The following PADI2 variants were observed in gnomAD, a reference collection of about 807,000 sequenced individuals.
The protein encoded by PADI2 is protein-arginine deiminase type-2.
In PADI2, 70 loss-of-function variants were observed where a neutral mutation model predicts 81.1. That is an observed-to-expected ratio of 0.86 (90% CI 0.71 to 1.05). PADI2 has a LOEUF of 1.05. Among genes scored for constraint, PADI2 ranks in the 50% least tolerant of loss-of-function variants. PADI2 has a pLI of 0.00. For synonymous variants in PADI2, 338 were observed against 358.0 expected, an observed-to-expected ratio of 0.94 and a Z score of 0.63; for missense variants, 853 against 889.9, an observed-to-expected ratio of 0.96 and a Z score of 0.53.
intron 10 of PADI2, among the ~76,000 whole-genome samples, chr1:17,081,152 G>T (rs3853182): frequency 0.078 from 11,941 of 152,312 alleles, 569 homozygotes; most frequent in Middle Eastern, 0.14. Flanking sequence ...GGCAACTGGT[G>T]CTGGTGGTTG....
intron 8 of PADI2, among the ~76,000 whole-genome samples, chr1:17,084,061 G>C (rs2078367504): frequency 6.6e-6 from 1 of 152,140 alleles, no homozygotes; most frequent in Non-Finnish European, 1.5e-5. Context: ...TAAAATGAGG[G>C]GGGGAACTCT....
chr1:17,111,197 C>T (rs1376875180), intron 1 of PADI2, among the ~76,000 whole-genome samples: 1 of 148,560 alleles, frequency 6.7e-6, no homozygotes, highest in Non-Finnish European at 1.5e-5. Flanking sequence ...AAGCGATTCT[C>T]CTGCCTCAGC....
At chr1:17,089,807 G>A (rs976061665) in intron 6 of PADI2, among the ~76,000 whole-genome samples, 2 of 152,106 alleles carry the variant, frequency 1.3e-5, no homozygotes, top group East Asian at 1.9e-4. Context: ...AGTGGTCCTC[G>A]TGCCTTGGGC....
rs138754221 is a variant in PADI2, at chr1:17,069,577, G to A, written c.1765-300C>T. Among the ~76,000 whole-genome samples the A allele has an allele frequency of 5.9e-4, 90 of 152,300 alleles. 1 individual carries two copies. In the East Asian group the frequency reaches 0.015, roughly 25 times the overall value. On this transcript the variant is annotated intron_variant, in intron 15 of 15. Coordinates refer to ENST00000375486, the MANE Select transcript of PADI2 (RefSeq NM_007365.3). ...TACATGTGTATGAATGTGCACACACGTATGGGTATGTATGCATTTATGTGT... is the reference window on the plus strand; with the variant it reads ...TACATGTGTATGAATGTGCACACACATATGGGTATGTATGCATTTATGTGT...
At chr1:17,072,132 T>C (rs1304552259) in intron 13 of PADI2, among the ~76,000 whole-genome samples, 1 of 152,260 alleles carries the variant, frequency 6.6e-6, no homozygotes, top group African/African-American at 2.4e-5. Context: ...TTATGTGACT[T>C]GTCTCAGGAC....
chr1:17,074,690 G>A (rs1440140509), intron 13 of PADI2, among the ~76,000 whole-genome samples, 166 bp downstream of exon 13: 1 of 152,244 alleles, frequency 6.6e-6, no homozygotes, highest in Admixed American at 6.5e-5. Flanking sequence ...CAGGAGGCCA[G>A]AGGTGCTTCC....
chr1:17,113,668 C>T (rs1346996900), intron 1 of PADI2, among the ~76,000 whole-genome samples: 1 of 152,206 alleles, frequency 6.6e-6, no homozygotes, highest in Non-Finnish European at 1.5e-5. Context: ...ACTTATTTCA[C>T]AGGTGGGAGT....
At chr1:17,106,161 C>G (rs1307928101) in intron 1 of PADI2, among the ~76,000 whole-genome samples, 2 of 152,184 alleles carry the variant, frequency 1.3e-5, no homozygotes, top group Non-Finnish European at 2.9e-5. Context: ...TTTCTTGCCA[C>G]CTGACATCCC....
At chr1:17,102,908 G>A (rs1035962586) in intron 3 of PADI2, 79 bp downstream of exon 3, 9 of 1,067,928 alleles carry the variant, frequency 8.4e-6, no homozygotes, top group Admixed American at 5.8e-5. Context: ...ACTGAGAACC[G>A]CCTAAGTGCC....
At chr1:17,118,068 T>C (rs977668566) in intron 1 of PADI2, among the ~76,000 whole-genome samples, 20 of 152,128 alleles carry the variant, frequency 1.3e-4, no homozygotes, top group African/African-American at 4.3e-4. Flanking sequence ...GGCCAGTGCC[T>C]CTGCAGCGGT....
intron 3 of PADI2, 34 bp from the exon 4 acceptor site, chr1:17,096,004 C>G: frequency 6.3e-7 from 1 of 1,576,212 alleles, no homozygotes; most frequent in Non-Finnish European, 8.7e-7. Flanking sequence ...GTTGCTGAGC[C>G]TGCCAGGCAG....
chr1:17,087,126 C>A (rs1001300245), intron 6 of PADI2, among the ~76,000 whole-genome samples: 7 of 152,134 alleles, frequency 4.6e-5, no homozygotes, highest in African/African-American at 1.4e-4. Context: ...AGATTCAAGT[C>A]GAATTCTGAA....
At position 17,111,438 on chromosome 1, in the gene PADI2, T is replaced by C. The variant is rs544312555; in HGVS notation, c.93-6377A>G. 5.9e-5 allele frequency among the ~76,000 whole-genome samples: 9 copies of C among 152,188 alleles called. No individual in the cohort carries two copies. In the East Asian group the frequency reaches 1.7e-3, roughly 29 times the overall value. On this transcript the variant is annotated intron_variant, in intron 1 of 15. Coordinates refer to ENST00000375486, the MANE Select transcript of PADI2 (RefSeq NM_007365.3). ...ATGGATTACATGATTACAGCTGTGA[T>C]AATTACTATAAAGGAGGAGAGGGTG...
intron 13 of PADI2, among the ~76,000 whole-genome samples, chr1:17,072,416 G>A (rs944401388): frequency 5.9e-5 from 9 of 152,160 alleles, no homozygotes; most frequent in African/African-American, 1.7e-4. Context: ...TCCAAGTTCA[G>A]GAGATAGATT....
At chr1:17,086,427 C>G (rs1277694026) in intron 7 of PADI2, 94 bp downstream of exon 7, 1 of 1,066,702 alleles carries the variant, frequency 9.4e-7, no homozygotes, top group Non-Finnish European at 1.3e-6. Flanking sequence ...GCGCTTTGAG[C>G]AGGGTGGAGC....
intron 11 of PADI2, among the ~76,000 whole-genome samples, chr1:17,076,732 C>T (rs1430738934): frequency 6.6e-6 from 1 of 151,922 alleles, no homozygotes; most frequent in East Asian, 1.9e-4. Context: ...GCCCACCACC[C>T]CGCCCAGCTA....
rs751697983 is a variant in PADI2 at position 17,071,506 on chromosome 1, G to C, written c.1550-15C>G. The C allele has an allele frequency of 3.1e-6, 5 of 1,604,124 alleles. No individual in the cohort carries two copies. The highest frequency in any genetic ancestry group is 1.3e-5 in the African/African-American group (1 of 74,844). On this transcript the variant is annotated splice_polypyrimidine_tract_variant and intron_variant, in intron 13 of 15. Coordinates refer to ENST00000375486, the MANE Select transcript of PADI2 (RefSeq NM_007365.3). Reference sequence around the variant, plus strand: ...CCCACCCAAGCCTGTGGGGTTCAAAGGACAGGGGATGGTCAAGCTTTAGAT... The same window carrying C: ...CCCACCCAAGCCTGTGGGGTTCAAACGACAGGGGATGGTCAAGCTTTAGAT...
At chr1:17,118,524 C>G (rs894074340) in intron 1 of PADI2, among the ~76,000 whole-genome samples, 1 of 152,108 alleles carries the variant, frequency 6.6e-6, no homozygotes, top group African/African-American at 2.4e-5. Flanking sequence ...TCAGCTGTCT[C>G]GGACATCCCG....
intron 15 of PADI2, 83 bp from the exon 16 acceptor site, chr1:17,069,360 C>T: frequency 9.9e-7 from 1 of 1,013,486 alleles, no homozygotes. Context: ...TCATGGAACC[C>T]TCACGGCAAC....
Sources: gnomAD v4.1 joint callset for allele counts (sites outside exome capture counted in the v4.1 genomes callset) on GRCh38, gnomAD v4.1.1 for gene constraint, MANE v1.5 for transcripts, NCBI Gene and HGNC (gene_info 2026-07-23, HGNC 2026-07-21) for gene names.